Variants in TTC28 observed in about 807,000 individuals in gnomAD.
TTC28 encodes tetratricopeptide repeat protein 28.
A neutral mutation model predicts 198.0 loss-of-function variants in TTC28; 61 were observed. That is an observed-to-expected ratio of 0.31 (90% CI 0.25 to 0.38). TTC28 has a LOEUF of 0.38. Among genes scored for constraint, TTC28 ranks in the 10% least tolerant of loss-of-function variants. TTC28 has a pLI of 1.00. For missense variants in TTC28, 2,678 were observed against 3,164.0 expected (o/e 0.85, Z 3.69); for synonymous variants, 1,171 against 1,297.8 (o/e 0.90, Z 2.10).
At chr22:28,056,846 G>A (rs1940311149) in intron 12 of TTC28, among the ~76,000 whole-genome samples, 1 of 152,154 alleles carries the variant, frequency 6.6e-6, no homozygotes, top group Non-Finnish European at 1.5e-5. Context: ...TTCCACCAGA[G>A]ATTAATTAGG....
chr22:28,083,461 T>C (rs1431885161), intron 12 of TTC28, among the ~76,000 whole-genome samples: 2 of 152,236 alleles, frequency 1.3e-5, no homozygotes, highest in Non-Finnish European at 2.9e-5. Flanking sequence ...CTTCCCCCTT[T>C]TGTATGACAG....
Position 27,985,226 on chromosome 22 carries a change from C to A in TTC28, c.5815+23G>T. ...GAGCATGGCAGGCCCTGGTGGAGAA[C>A]TGGTCTGAGGGCAGGCTCTTACCAA... On this transcript the variant is annotated intron_variant, in intron 22 of 22. Transcript: ENST00000397906. The A allele has an allele frequency of 3.3e-6, 5 of 1,527,566 alleles. No homozygotes were observed. In the South Asian group the frequency reaches 6.0e-5, roughly 18 times the overall value. 94.6% of individuals were successfully genotyped at this position (1,527,566 alleles called of 1,614,324 possible).
intron 12 of TTC28, among the ~76,000 whole-genome samples, chr22:28,060,262 G>A (rs566637107): frequency 6.6e-5 from 10 of 152,014 alleles, no homozygotes; most frequent in African/African-American, 2.4e-4. Flanking sequence ...CCAACCCCAC[G>A]ACAGGCTCCG....
chr22:28,393,931 G>T (rs1472803581), intron 2 of TTC28, among the ~76,000 whole-genome samples: 1 of 151,974 alleles, frequency 6.6e-6, no homozygotes, highest in Non-Finnish European at 1.5e-5. Context: ...TTGAGATGAG[G>T]TCTTACTATG....
In TTC28 at chr22:28,324,453, C is replaced by T. The variant is rs189699590; in HGVS notation, c.382-17810G>A. Among the ~76,000 whole-genome samples, 3 of 152,128 alleles carry T rather than the reference C, an allele frequency of 2.0e-5. No individual in the cohort carries two copies. In the East Asian group the frequency reaches 5.8e-4, roughly 29 times the overall value. ...CAAAAAAAAAAAAGAAAATTTCAGG[C>T]CAATAATCCCTGATGATCATTGATG... is the stretch of plus-strand genomic sequence containing the variant. On this transcript the variant is annotated intron_variant, in intron 2 of 22. Transcript: ENST00000397906.
chr22:27,985,905 G>C (rs112913931), intron 21 of TTC28: 3 of 155,198 alleles, frequency 1.9e-5, no homozygotes, highest in African/African-American at 7.2e-5. Flanking sequence ...CAAAGCCCAG[G>C]GGTGCTGCTC....
At chr22:28,159,919 T>C (rs1920991343) in intron 6 of TTC28, among the ~76,000 whole-genome samples, 2 of 152,134 alleles carry the variant, frequency 1.3e-5, no homozygotes, top group South Asian at 2.1e-4. Flanking sequence ...TGCAACAATA[T>C]TGATGGTCAT....
At chr22:28,268,374 A>T (rs1351099153) in intron 5 of TTC28, among the ~76,000 whole-genome samples, 1 of 152,188 alleles carries the variant, frequency 6.6e-6, no homozygotes, top group Admixed American at 6.5e-5. Flanking sequence ...GTGCCAACAA[A>T]TGTCCTTTTA....
intron 2 of TTC28, among the ~76,000 whole-genome samples, chr22:28,459,078 T>G (rs1368594329): frequency 6.6e-6 from 1 of 151,984 alleles, no homozygotes; most frequent in Non-Finnish European, 1.5e-5. Flanking sequence ...ATTAAGTGTT[T>G]GAGTTTGAGA....
intron 2 of TTC28, among the ~76,000 whole-genome samples, chr22:28,530,591 C>G (rs951512450): frequency 3.9e-5 from 6 of 152,092 alleles, no homozygotes; most frequent in African/African-American, 1.2e-4. Flanking sequence ...AAGAGCAACT[C>G]TAAGACACGT....
intron 2 of TTC28, among the ~76,000 whole-genome samples, chr22:28,406,806 T>C (rs1484284132): frequency 1.3e-5 from 2 of 152,234 alleles, no homozygotes; most frequent in Non-Finnish European, 2.9e-5. Context: ...AGGACTCATA[T>C]GGAGTTCCTC....
At chr22:28,048,876 G>A (rs1939970266) in intron 12 of TTC28, among the ~76,000 whole-genome samples, 1 of 152,110 alleles carries the variant, frequency 6.6e-6, no homozygotes, top group Non-Finnish European at 1.5e-5. Flanking sequence ...CCATGCATGT[G>A]AAAATTAAGC....
intron 2 of TTC28, among the ~76,000 whole-genome samples, chr22:28,519,400 T>C (rs956255387): frequency 2.0e-5 from 3 of 152,242 alleles, no homozygotes; most frequent in African/African-American, 7.2e-5. Flanking sequence ...ACAAATGGTT[T>C]GCAGGATGGC....
intron 2 of TTC28, among the ~76,000 whole-genome samples, chr22:28,499,800 A>C (rs1997958): frequency 0.17 from 25,232 of 152,124 alleles, 2,883 homozygotes; most frequent in Non-Finnish European, 0.25. Flanking sequence ...ATTTTTGTAG[A>C]GTTTTTAAAA....
intron 2 of TTC28, among the ~76,000 whole-genome samples, chr22:28,401,167 AGAG>A (rs1237345063): frequency 1.3e-5 from 2 of 151,422 alleles, no homozygotes; most frequent in Admixed American, 6.6e-5. Context: ...AGGAAAAGGA[AGAG>A]GAGGAGAAGG....
intron 5 of TTC28, among the ~76,000 whole-genome samples, chr22:28,224,113 G>A (rs147506335): frequency 3.3e-5 from 5 of 152,240 alleles, no homozygotes; most frequent in Admixed American, 1.3e-4. Context: ...CAGTGATGCC[G>A]CTAATCATCC....
intron 6 of TTC28, among the ~76,000 whole-genome samples, chr22:28,161,459 G>A (rs1921169703): frequency 6.6e-6 from 1 of 152,124 alleles, no homozygotes; most frequent in South Asian, 2.1e-4. Context: ...ACCAGCTTGG[G>A]CAACATAGTG....
chr22:28,613,714 T>A (rs551518181), intron 2 of TTC28, among the ~76,000 whole-genome samples: 2 of 152,210 alleles, frequency 1.3e-5, no homozygotes, highest in Non-Finnish European at 2.9e-5. Context: ...TCTCAATAGA[T>A]GCAGGAAAGG....
At chr22:28,391,849 G>A (rs1437602365) in intron 2 of TTC28, among the ~76,000 whole-genome samples, 4 of 152,224 alleles carry the variant, frequency 2.6e-5, no homozygotes, top group African/African-American at 4.8e-5. Context: ...GCTCGTCAAA[G>A]TCATTCTCCG....
Sources: gnomAD v4.1 joint callset for allele counts (sites outside exome capture counted in the v4.1 genomes callset) on GRCh38, gnomAD v4.1.1 for gene constraint, MANE v1.5 for transcripts, NCBI Gene and HGNC (gene_info 2026-07-23, HGNC 2026-07-21) for gene names.